The following CIT variants were observed in gnomAD, a reference collection of about 807,000 sequenced individuals.
CIT encodes citron Rho-interacting kinase.
In CIT, 79 loss-of-function variants were observed where a neutral mutation model predicts 272.7. The ratio of observed to expected loss-of-function variants is 0.29; its 90% CI spans 0.24 to 0.35. The LOEUF (loss-of-function observed/expected upper bound fraction) is 0.35, where lower values mean the gene tolerates loss of function less well. CIT is among the 10% of genes least tolerant of loss of function. The probability of loss-of-function intolerance (pLI) is 1.00; values close to 1 mark genes in which losing one functional copy is unlikely to be tolerated. For missense variants in CIT, 1,909 were observed against 2,618.3 expected, an observed-to-expected ratio of 0.73 and a Z score of 5.91; for synonymous variants, 948 against 995.6, an observed-to-expected ratio of 0.95 and a Z score of 0.90.
Position 119,857,479 on chromosome 12 carries a change from T to A in CIT, c.414+44A>T, listed in dbSNP as rs1448842521. On this transcript the variant is annotated intron_variant, in intron 4 of 47. Transcript: ENST00000392521. ...AGATTATCGTCTTTGCAATGAACACTCCGGTACAGAAAGTGGAAAAGCATG... is the reference window on the plus strand; with the variant it reads ...AGATTATCGTCTTTGCAATGAACACACCGGTACAGAAAGTGGAAAAGCATG... The A allele has an allele frequency of 3.1e-6, 5 of 1,602,302 alleles. No homozygotes were observed. In the South Asian group the frequency reaches 5.5e-5, roughly 18 times the overall value.
chr12:119,708,182 G>C lies in CIT; in HGVS notation c.5208C>G (p.Gly1736=), dbSNP rs56158046. The change falls in exon 40 of 48, where the codon GGC becomes GGG. Residue 1736 remains glycine, a synonymous_variant. Transcript: ENST00000392521. ...TAGGACTCTGAGGGGAGCTTACCTT[G>C]CCTGCCCCAAACAAGTGGCAGCCCT... ...AVKGCHLFGA[G]KIENGLCICA... The C allele has an allele frequency of 0.03, 47,450 of 1,575,284 alleles. 3,693 individuals are homozygous for C. The highest frequency in any genetic ancestry group is 0.3 in the African/African-American group (21,909 of 72,940).
chr12:119,799,810 C>G (rs563979477), intron 10 of CIT, among the ~76,000 whole-genome samples: 1 of 151,578 alleles, frequency 6.6e-6, no homozygotes, highest in South Asian at 2.1e-4. Context: ...TCAAAACTTA[C>G]AAGTTTGTAA....
chr12:119,850,813 T>A (rs1281937431), intron 4 of CIT, among the ~76,000 whole-genome samples: 1 of 152,112 alleles, frequency 6.6e-6, no homozygotes, highest in African/African-American at 2.4e-5. Flanking sequence ...GCAGCACTCA[T>A]GTGTGGGGGC....
intron 46 of CIT, among the ~76,000 whole-genome samples, chr12:119,696,613 C>T (rs1565897562): frequency 6.6e-6 from 1 of 152,144 alleles, no homozygotes; most frequent in Non-Finnish European, 1.5e-5. Context: ...GCAACCTCCG[C>T]CTCAAGGGCT....
rs778385693 is a variant in CIT at position 119,710,344 on chromosome 12, C to A, written c.4978G>T (p.Val1660Phe). ...GTEEGLYALN[V>F]LKNSLTHVPG... Reference sequence around the variant, plus strand: ...ACATGGGTTAGGGAGTTTTTCAAGACATTCAGGGCGTAGAGCCCTTCCTCG... The same window carrying A: ...ACATGGGTTAGGGAGTTTTTCAAGAAATTCAGGGCGTAGAGCCCTTCCTCG... The change falls in exon 39 of 48, where the codon GTC becomes TTC. Residue 1660 changes from valine to phenylalanine, a missense_variant. This residue lies in a region of CIT where 780 missense variants were observed against 1,067.2 expected (regional missense o/e 0.73). Coordinates refer to ENST00000392521, the MANE Select transcript of CIT (RefSeq NM_001206999.2). This position sits in a 1 kb window ranked among gnomAD's most constrained non-coding sequence, Gnocchi z 5.6. The A allele has an allele frequency of 6.2e-7, 1 of 1,614,234 alleles. No individual in the cohort carries two copies. Among genetic ancestry groups the A allele is most frequent in the Non-Finnish European group, 8.5e-7 (1 of 1,180,044 alleles).
intron 1 of CIT, among the ~76,000 whole-genome samples, chr12:119,876,544 C>T (rs1249212239): frequency 6.6e-6 from 1 of 152,092 alleles, no homozygotes; most frequent in Non-Finnish European, 1.5e-5. Flanking sequence ...AAATATATAG[C>T]TTGTTGTAAG....
chr12:119,869,869 C>T (rs549789735), intron 2 of CIT, among the ~76,000 whole-genome samples: 1 of 152,200 alleles, frequency 6.6e-6, no homozygotes, highest in Admixed American at 6.5e-5. Flanking sequence ...CACTGCCTCG[C>T]CTTCCTGCCT....
intron 23 of CIT, among the ~76,000 whole-genome samples, chr12:119,747,294 G>A (rs1399080593): frequency 6.6e-6 from 1 of 152,024 alleles, no homozygotes; most frequent in Non-Finnish European, 1.5e-5. Flanking sequence ...GGTGGCGCAT[G>A]CCTGTAATCC....
chr12:119,726,343 T>A (rs986588878), intron 28 of CIT, among the ~76,000 whole-genome samples: 3 of 150,382 alleles, frequency 2.0e-5, no homozygotes, highest in Admixed American at 6.7e-5. Context: ...CTCAGCCTCC[T>A]GAGTAGCTGG....
At chr12:119,845,486 C>G (rs1969728342) in intron 5 of CIT, among the ~76,000 whole-genome samples, 1 of 151,560 alleles carries the variant, frequency 6.6e-6, no homozygotes, top group South Asian at 2.1e-4. Context: ...AACCCTGTCT[C>G]TACTAAAAAT....
chr12:119,809,418 C>G (rs998245806), intron 9 of CIT, among the ~76,000 whole-genome samples: 1 of 152,066 alleles, frequency 6.6e-6, no homozygotes, highest in African/African-American at 2.4e-5. Context: ...TAACAGGAGA[C>G]AGGTTTGAAT....
Position 119,785,065 on chromosome 12 carries a change from C to T in CIT, c.1296G>A (p.Glu432=). The change falls in exon 11 of 48, where the codon GAG becomes GAA. Residue 432 remains glutamate, a splice_region_variant and synonymous_variant. Transcript: ENST00000392521. ...GGGAGTCCAGACCCGACACAACAGA[C>T]CTAGGTAGAGAAAAACCAACGTCAA... The part of the protein sequence containing the change: ...SKALGILGRS[E]SVVSGLDSPA... 2 of 1,613,802 alleles carry T rather than the reference C, an allele frequency of 1.2e-6. No individual in the cohort carries two copies. The highest frequency in any genetic ancestry group is 1.3e-5 in the African/African-American group (1 of 75,004).
At chr12:119,845,704 C>A (rs893230508) in intron 5 of CIT, among the ~76,000 whole-genome samples, 1 of 148,592 alleles carries the variant, frequency 6.7e-6, no homozygotes, top group African/African-American at 2.5e-5. Context: ...GCAATCCCAG[C>A]ACTTTGGGAG....
chr12:119,704,241 C>A, intron 41 of CIT, 122 bp downstream of exon 41: 1 of 854,882 alleles, frequency 1.2e-6, no homozygotes, highest in Admixed American at 2.4e-5. Flanking sequence ...AGGCTAAAGG[C>A]CCGCAGGGTA....
chr12:119,822,734 G>C, intron 9 of CIT, 86 bp downstream of exon 9: 1 of 1,407,656 alleles, frequency 7.1e-7, no homozygotes, highest in Non-Finnish European at 9.8e-7. Context: ...ATTTACAGAA[G>C]CTTCTTTGGG....
At chr12:119,696,388 G>A (rs1956223507) in intron 46 of CIT, among the ~76,000 whole-genome samples, 1 of 152,176 alleles carries the variant, frequency 6.6e-6, no homozygotes, top group Admixed American at 6.5e-5. Context: ...ACTCTGCCTT[G>A]ACAGAGACCA....
At chr12:119,840,701 G>T (rs1179525308) in intron 5 of CIT, among the ~76,000 whole-genome samples, 2 of 152,198 alleles carry the variant, frequency 1.3e-5, no homozygotes, top group African/African-American at 4.8e-5. Context: ...TCATTCTGAT[G>T]GGCAGCTGGT....
chr12:119,815,190 A>G lies in CIT; in HGVS notation c.1111+7630T>C, dbSNP rs576207713. Reference sequence around the variant, plus strand: ...CTAAAGGCAGGACACTAAACAAAATAAATGAAAAAATAATGTCAAAATCAT... The same window carrying G: ...CTAAAGGCAGGACACTAAACAAAATGAATGAAAAAATAATGTCAAAATCAT... On this transcript the variant is annotated intron_variant, in intron 9 of 47. Coordinates refer to ENST00000392521, the MANE Select transcript of CIT (RefSeq NM_001206999.2). Among the ~76,000 whole-genome samples the G allele has an allele frequency of 5.3e-5, 8 of 151,958 alleles. No individual in the cohort carries two copies. The South Asian group carries it at 1.7e-3, about 32-fold the overall frequency.
At position 119,760,979 on chromosome 12, in the gene CIT, T is replaced by G; in HGVS notation, c.2381A>C (p.Glu794Ala). 1 of 1,614,136 alleles carries G rather than the reference T, an allele frequency of 6.2e-7. No homozygotes were observed. The highest frequency in any genetic ancestry group is 8.5e-7 in the Non-Finnish European group (1 of 1,179,982). The part of the protein sequence containing the change: ...LENMMQRHEE[E>A]AHEKGKILSE... The stretch of plus-strand genomic sequence containing the variant: ...GAGAATTTTGCCCTTCTCATGGGCC[T>G]CCTCCTCGTGTCTCTGCATCATGTT... The change falls in exon 20 of 48, where the codon GAG (glutamate) becomes GCG (alanine). Residue 794 changes from glutamate (E) to alanine (A), a missense_variant. This residue lies in a region of CIT where 530 missense variants were observed against 822.4 expected (regional missense o/e 0.64). Coordinates refer to ENST00000392521, the MANE Select transcript of CIT (RefSeq NM_001206999.2).
Sources: allele counts gnomAD v4.1 joint callset (sites outside exome capture counted in the v4.1 genomes callset), GRCh38; gene constraint gnomAD v4.1.1; regional missense constraint gnomAD v4.1.1; non-coding constraint Gnocchi (gnomAD v3.1); transcripts MANE v1.5; gene names NCBI Gene and HGNC (gene_info 2026-07-23, HGNC 2026-07-21).